TRAPPC8: variants seen among roughly 807,000 people sequenced by gnomAD.
TRAPPC8 encodes the protein trafficking protein particle complex subunit 8.
A neutral mutation model predicts 174.3 loss-of-function variants in TRAPPC8; 54 were observed. The observed-to-expected ratio is 0.31, with a 90% CI of 0.25 to 0.39. The LOEUF (loss-of-function observed/expected upper bound fraction) is 0.39. Among genes scored for constraint, TRAPPC8 ranks in the 10% least tolerant of loss-of-function variants. The pLI is 1.00. For synonymous variants in TRAPPC8, 630 were observed against 579.9 expected, an observed-to-expected ratio of 1.09 and a Z score of -1.24; for missense variants, 1,531 against 1,699.1, an observed-to-expected ratio of 0.90 and a Z score of 1.74.
At position 31,830,847 on chromosome 18, in the gene TRAPPC8, T is replaced by C. The variant is rs750543048; in HGVS notation, c.4216A>G (p.Arg1406Gly). 3.7e-6 allele frequency: 6 copies of C among 1,614,044 alleles called. No individual in the cohort carries two copies. The highest frequency in any genetic ancestry group is 5.1e-6 in the Non-Finnish European group (6 of 1,180,022). The change falls in exon 29 of 29, where the codon AGG becomes GGG. Residue 1406 changes from arginine (R) to glycine (G), a missense_variant. Transcript: ENST00000283351. ...HTGVYNLGTP[R>G]VFAKLSDQVT... ...TGGTCCGATAACTTGGCAAATACCCTAGGAGTTCCAAGGTTATAAACACCT... is the reference window on the plus strand; with the variant it reads ...TGGTCCGATAACTTGGCAAATACCCCAGGAGTTCCAAGGTTATAAACACCT...
chr18:31,838,402 C>T (rs1205628763), intron 27 of TRAPPC8, among the ~76,000 whole-genome samples: 2 of 152,194 alleles, frequency 1.3e-5, no homozygotes, highest in Admixed American at 1.3e-4. Flanking sequence ...TTCTTCAGTG[C>T]ATGTATCTTA....
At chr18:31,916,203 A>ACAAG in intron 4 of TRAPPC8, 69 bp downstream of exon 4, 1 of 1,171,404 alleles carries the variant, frequency 8.5e-7, no homozygotes, top group African/African-American at 1.6e-5. Context: ...CAAAACGTAA[A>ACAAG]CAAGCTATCT....
intron 26 of TRAPPC8, among the ~76,000 whole-genome samples, chr18:31,840,000 A>G (rs948861481): frequency 1.3e-5 from 2 of 152,216 alleles, no homozygotes; most frequent in Non-Finnish European, 2.9e-5. Context: ...ATGCACGTAA[A>G]AAGTATTAAC....
Position 31,861,942 on chromosome 18 carries a change from G to C in TRAPPC8, c.2745+2685C>G, listed in dbSNP as rs373133606. 5.2e-4 allele frequency among the ~76,000 whole-genome samples: 71 copies of C among 137,538 alleles called. 2 individuals carry two copies. The highest frequency in any genetic ancestry group is 1.8e-3 in the African/African-American group (69 of 37,836). 90.2% of individuals were successfully genotyped at this position (137,538 alleles called of 152,430 possible). A position where few individuals can be genotyped will look rare whatever the true frequency, so the allele number is the denominator to read the frequency against. On this transcript the variant is annotated intron_variant, in intron 19 of 28. Transcript: ENST00000283351. ...CGTCTCCAGAAAAAAAAAAAGGGGGGGGGGGGCGGTGGGGGAGGAGAGAAA... is the reference window on the plus strand; with the variant it reads ...CGTCTCCAGAAAAAAAAAAAGGGGGCGGGGGGCGGTGGGGGAGGAGAGAAA...
At chr18:31,918,809 G>A in intron 2 of TRAPPC8, among the ~76,000 whole-genome samples, 1 of 152,024 alleles carries the variant, frequency 6.6e-6, no homozygotes, top group Non-Finnish European at 1.5e-5. Flanking sequence ...CAAGTATTTT[G>A]TATCACAATT....
intron 9 of TRAPPC8, among the ~76,000 whole-genome samples, chr18:31,901,504 G>A (rs745324556): frequency 6.6e-6 from 1 of 152,158 alleles, no homozygotes; most frequent in Non-Finnish European, 1.5e-5. Flanking sequence ...AATGACCACT[G>A]TTTTGGGATG....
At chr18:31,866,728 T>A in intron 18 of TRAPPC8, 121 bp downstream of exon 18, 2 of 1,135,926 alleles carry the variant, frequency 1.8e-6, no homozygotes, top group Non-Finnish European at 2.4e-6. Flanking sequence ...TACATCTGGC[T>A]AAATGTCTTT....
intron 26 of TRAPPC8, among the ~76,000 whole-genome samples, chr18:31,842,113 C>T (rs915742180): frequency 7.2e-5 from 11 of 152,284 alleles, no homozygotes; most frequent in African/African-American, 2.6e-4. Flanking sequence ...GGTACACAAG[C>T]ATCTTGGTGT....
At chr18:31,849,406 CT>C (rs1365179328) in intron 25 of TRAPPC8, among the ~76,000 whole-genome samples, 159 bp downstream of exon 25, 4 of 151,576 alleles carry the variant, frequency 2.6e-5, no homozygotes. Context: ...TGAATGAATT[CT>C]TTTTTTAGGC....
chr18:31,901,719 G>C (rs1290404067), intron 9 of TRAPPC8, among the ~76,000 whole-genome samples: 1 of 152,212 alleles, frequency 6.6e-6, no homozygotes, highest in Admixed American at 6.5e-5. Flanking sequence ...CCTAAGATTT[G>C]TTTAGACCCC....
chr18:31,870,849 T>C, intron 15 of TRAPPC8, 77 bp downstream of exon 15: 1 of 1,293,422 alleles, frequency 7.7e-7, no homozygotes, highest in East Asian at 2.6e-5. Flanking sequence ...CAATTATGTG[T>C]GCCAAACAAT....
chr18:31,866,770 T>C (rs2034606184), intron 18 of TRAPPC8, 79 bp downstream of exon 18: 7 of 1,503,518 alleles, frequency 4.7e-6, no homozygotes, highest in Non-Finnish European at 6.3e-6. Flanking sequence ...ATTTAGAAAA[T>C]ACATCATTTT....
At chr18:31,902,816 G>A (rs1013063578) in intron 9 of TRAPPC8, among the ~76,000 whole-genome samples, 5 of 152,052 alleles carry the variant, frequency 3.3e-5, no homozygotes, top group South Asian at 2.1e-4. Context: ...TTGGGAGGCC[G>A]AGGCGGGCGG....
intron 12 of TRAPPC8, among the ~76,000 whole-genome samples, chr18:31,876,090 A>T (rs1408548881): frequency 3.3e-5 from 5 of 152,212 alleles, no homozygotes; most frequent in Admixed American, 6.5e-5. Context: ...AAGTTCACTG[A>T]CTTGATCTTT....
chr18:31,864,686 T>C lies in TRAPPC8; in HGVS notation c.2686A>G (p.Lys896Glu), dbSNP rs1489240859. 2 of 1,613,154 alleles carry C rather than the reference T, an allele frequency of 1.2e-6. No individual in the cohort carries two copies. The highest frequency in any genetic ancestry group is 1.7e-6 in the Non-Finnish European group (2 of 1,179,548). Residue 896 changes from lysine to glutamate, a missense_variant, in exon 19 of 29, where the codon AAA (lysine) becomes GAA (glutamate). By Grantham distance (56) the Lys-to-Glu change is moderately conservative. Transcript: ENST00000283351. ...TCTAAACGTCGATCAGGGCCATATT[T>C]AACAGATGTTTTCTCTTCTTTTGTG... is the stretch of plus-strand genomic sequence containing the variant. ...NNTKEEKTSV[K>E]YGPDRRLDPI...
In TRAPPC8 at chr18:31,855,904, T is replaced by C; in HGVS notation, c.3189-97A>G. 1.1e-5 allele frequency: 15 copies of C among 1,311,826 alleles called. No homozygotes were observed. In the South Asian group the frequency reaches 2.1e-4, roughly 18 times the overall value. 81.3% of individuals were successfully genotyped at this position (1,311,826 alleles called of 1,614,324 possible). A position where few individuals can be genotyped will look rare whatever the true frequency, so the allele number is the denominator to read the frequency against. ...TAAAGATTTTAAAAACTGATCACTC[T>C]CAGGACCATTTATACTCTAAAAATC... On this transcript the variant is annotated intron_variant, in intron 20 of 28. Coordinates refer to ENST00000283351, the MANE Select transcript of TRAPPC8 (RefSeq NM_014939.5).
chr18:31,866,401 A>C (rs1232299556), intron 18 of TRAPPC8, among the ~76,000 whole-genome samples: 2 of 152,046 alleles, frequency 1.3e-5, no homozygotes, highest in East Asian at 3.9e-4. Context: ...CTAAAGCCCT[A>C]CTCTTTCAAG....
chr18:31,938,409 A>C (rs897202935), intron 1 of TRAPPC8, among the ~76,000 whole-genome samples: 1 of 152,082 alleles, frequency 6.6e-6, no homozygotes, highest in Non-Finnish European at 1.5e-5. Context: ...TTCAGGTTTT[A>C]AAATGTCTCT....
At chr18:31,887,212 T>C (rs1233229954) in intron 12 of TRAPPC8, among the ~76,000 whole-genome samples, 4 of 152,166 alleles carry the variant, frequency 2.6e-5, no homozygotes, top group African/African-American at 9.7e-5. Flanking sequence ...TCAATAAAGG[T>C]AATGTATCAC....
Sources: allele counts gnomAD v4.1 joint callset (sites outside exome capture counted in the v4.1 genomes callset), GRCh38; gene constraint gnomAD v4.1.1; transcripts MANE v1.5; gene names NCBI Gene and HGNC (gene_info 2026-07-23, HGNC 2026-07-21).